The following GPR107 variants were observed in gnomAD, a reference collection of about 807,000 sequenced individuals.
GPR107 encodes protein GPR107.
In GPR107, 31 loss-of-function variants were observed where a neutral mutation model predicts 75.5. The ratio of observed to expected loss-of-function variants is 0.41; its 90% CI spans 0.31 to 0.55. GPR107 has a LOEUF of 0.55. GPR107 is among the 20% of genes least tolerant of loss of function. GPR107 has a pLI of 0.26. For synonymous variants in GPR107, 267 were observed against 251.3 expected, an observed-to-expected ratio of 1.06 and a Z score of -0.59; for missense variants, 572 against 665.7, an observed-to-expected ratio of 0.86 and a Z score of 1.55.
At chr9:130,086,035 G>GC (rs544863900) in intron 6 of GPR107, among the ~76,000 whole-genome samples, 101 of 152,270 alleles carry the variant, frequency 6.6e-4, no homozygotes, top group African/African-American at 2.4e-3. Context: ...ACAGGCGTGA[G>GC]CCACTGTGCC....
At chr9:130,067,862 A>G (rs1233178281) in intron 1 of GPR107, among the ~76,000 whole-genome samples, 1 of 140,054 alleles carries the variant, frequency 7.1e-6, no homozygotes, top group Non-Finnish European at 1.5e-5. Context: ...CTCCTGCCCC[A>G]GCCTCCCAAG....
intron 17 of GPR107, among the ~76,000 whole-genome samples, chr9:130,130,604 G>T (rs1554898874): frequency 1.3e-5 from 2 of 152,200 alleles, no homozygotes; most frequent in Non-Finnish European, 2.9e-5. Context: ...GGGTGCAGTG[G>T]CTCATGCCTA....
At chr9:130,074,901 A>AC (rs892661650) in intron 1 of GPR107, among the ~76,000 whole-genome samples, 11 of 150,538 alleles carry the variant, frequency 7.3e-5, no homozygotes, top group African/African-American at 2.7e-4. Flanking sequence ...CTTCCTCCCC[A>AC]CCCCCCAGCA....
In GPR107 at chr9:130,063,718, T is replaced by G. The variant is rs1829988999; in HGVS notation, c.141+9645T>G. Among the ~76,000 whole-genome samples, 3 of 152,120 alleles carry G rather than the reference T, an allele frequency of 2.0e-5. No individual in the cohort carries two copies. The South Asian group carries it at 6.2e-4, about 32-fold the overall frequency. ...TCTTAATAAAACAGCCCTGGGAAAT[T>G]CCAGTGATTGCTTTGTCTTTTTTTT... On this transcript the variant is annotated intron_variant, in intron 1 of 17. Coordinates refer to ENST00000347136, the MANE Select transcript of GPR107 (RefSeq NM_020960.5).
At chr9:130,077,449 A>G (rs1830376870) in intron 4 of GPR107, 71 bp downstream of exon 4, 1 of 818,212 alleles carries the variant, frequency 1.2e-6, no homozygotes, top group Non-Finnish European at 2.2e-6. Flanking sequence ...GTATGCTAAC[A>G]TTCCTTGGGT....
At chr9:130,115,193 G>A (rs902080084) in intron 14 of GPR107, among the ~76,000 whole-genome samples, 10 of 152,114 alleles carry the variant, frequency 6.6e-5, no homozygotes, top group Admixed American at 6.6e-5. Context: ...GACTTCCCAT[G>A]TCTACATAAA....
At chr9:130,098,778 C>A (rs1313525840) in intron 9 of GPR107, among the ~76,000 whole-genome samples, 1 of 152,076 alleles carries the variant, frequency 6.6e-6, no homozygotes, top group South Asian at 2.1e-4. Context: ...GAGGCAGAGG[C>A]GGGTGGATTA....
intron 6 of GPR107, among the ~76,000 whole-genome samples, chr9:130,084,275 G>A (rs1830562802): frequency 1.3e-5 from 2 of 151,634 alleles, no homozygotes; most frequent in African/African-American, 4.8e-5. Flanking sequence ...GTGCATGCTT[G>A]TAATCCCAGC....
At chr9:130,086,696 A>T (rs1463204826) in intron 7 of GPR107, among the ~76,000 whole-genome samples, 1 of 152,076 alleles carries the variant, frequency 6.6e-6, no homozygotes, top group East Asian at 1.9e-4. Context: ...TAACTTTGTG[A>T]CTATCTAGTG....
intron 9 of GPR107, 82 bp from the exon 10 acceptor site, chr9:130,099,374 TA>T: frequency 1.3e-6 from 1 of 789,598 alleles, no homozygotes; most frequent in Non-Finnish European, 2.2e-6. Context: ...TGTCTCCTTA[TA>T]AATATAGCTA....
At chr9:130,134,891 G>C in intron 17 of GPR107, 134 bp from the exon 18 acceptor site, 1 of 677,486 alleles carries the variant, frequency 1.5e-6, no homozygotes, top group South Asian at 1.6e-5. Context: ...GAACGAACCA[G>C]GAATCACACT....
intron 4 of GPR107, among the ~76,000 whole-genome samples, chr9:130,078,593 CGA>C (rs1406946305): frequency 6.6e-6 from 1 of 152,130 alleles, no homozygotes; most frequent in Admixed American, 6.6e-5. Flanking sequence ...GTGGGGCAGG[CGA>C]GAGACAGGCC....
At chr9:130,098,274 CTAG>C (rs748207945) in intron 9 of GPR107, among the ~76,000 whole-genome samples, 4 of 152,152 alleles carry the variant, frequency 2.6e-5, no homozygotes, top group Non-Finnish European at 4.4e-5. Flanking sequence ...GAAAGGTGGA[CTAG>C]TATCTGTGAT....
intron 1 of GPR107, among the ~76,000 whole-genome samples, chr9:130,062,740 A>T (rs1829963825): frequency 6.7e-6 from 1 of 149,988 alleles, no homozygotes; most frequent in South Asian, 2.1e-4. Flanking sequence ...TTTTTTAAAT[A>T]AGAGTGTCTC....
chr9:130,127,729 G>T (rs956528555), intron 16 of GPR107, among the ~76,000 whole-genome samples, 163 bp downstream of exon 16: 3 of 151,986 alleles, frequency 2.0e-5, no homozygotes, highest in South Asian at 4.2e-4. Flanking sequence ...TTGAGACAGG[G>T]TCTCACTCTG....
intron 5 of GPR107, among the ~76,000 whole-genome samples, chr9:130,080,232 C>T (rs993282637): frequency 2.0e-5 from 3 of 152,068 alleles, no homozygotes; most frequent in Admixed American, 6.5e-5. Context: ...GAACTGTCTT[C>T]GTATAGCGAA....
chr9:130,120,961 GT>G (rs1831532850), intron 14 of GPR107: 1 of 152,248 alleles, frequency 6.6e-6, no homozygotes, highest in South Asian at 2.1e-4. Flanking sequence ...AATCCTGGCA[GT>G]TTGGAAAACA....
intron 14 of GPR107, among the ~76,000 whole-genome samples, chr9:130,122,016 C>T (rs990891641): frequency 2.2e-4 from 34 of 152,072 alleles, no homozygotes; most frequent in African/African-American, 8.0e-4. Context: ...TCAGCCTCCC[C>T]AGTAGCTGGG....
intron 14 of GPR107, among the ~76,000 whole-genome samples, chr9:130,116,948 ATTT>A (rs10578715): frequency 9.4e-5 from 13 of 137,684 alleles, no homozygotes; most frequent in Non-Finnish European, 1.1e-4. Flanking sequence ...TTTGAAATGT[ATTT>A]TTTTTTTTTT....
Sources: gnomAD v4.1 joint callset for allele counts (sites outside exome capture counted in the v4.1 genomes callset) on GRCh38, gnomAD v4.1.1 for gene constraint, MANE v1.5 for transcripts, NCBI Gene and HGNC (gene_info 2026-07-23, HGNC 2026-07-21) for gene names.